PPP1R21: variants seen among roughly 807,000 people sequenced by gnomAD.
PPP1R21 encodes KLRAQ motif containing 1.
PPP1R21 carries 85 observed loss-of-function variants against 112.8 expected under a neutral mutation model. The ratio of observed to expected loss-of-function variants is 0.75; its 90% CI spans 0.63 to 0.90. The LOEUF is 0.90. Ranked by LOEUF, PPP1R21 falls within the 40% of genes least tolerant of loss-of-function variation. PPP1R21 has a pLI of 0.00. For synonymous variants in PPP1R21, 381 were observed against 322.3 expected, an observed-to-expected ratio of 1.18 and a Z score of -1.95; for missense variants, 1,199 against 901.5, an observed-to-expected ratio of 1.33 and a Z score of -4.23.
chr2:48,515,243 T>TCTCTCTC lies in PPP1R21; in HGVS notation c.*503_*504insCTCCTCT, dbSNP rs1294474316. 1.3e-5 allele frequency: 2 copies of TCTCTCTC among 153,482 alleles called. No homozygotes were observed. Among genetic ancestry groups the TCTCTCTC allele is most frequent in the Non-Finnish European group, 2.9e-5 (2 of 69,114 alleles). The allele number at this position is 153,482 out of a possible 1,614,324, so 9.5% of individuals were successfully genotyped here. A position where few individuals can be genotyped will look rare whatever the true frequency, so the allele number is the denominator to read the frequency against. On this transcript the variant is annotated 3_prime_UTR_variant, in exon 22 of 22. Transcript: ENST00000294952. ...CTCTCTCTCTCTCTCTCTCTCTCTCTCTCTTCTTTCTCTCTGAGGGAGAGG... is the reference window on the plus strand; with the variant it reads ...CTCTCTCTCTCTCTCTCTCTCTCTCTCTCTCTCCTCTTCTTTCTCTCTGAGGGAGAGG...
intron 13 of PPP1R21, among the ~76,000 whole-genome samples, chr2:48,480,688 T>G: frequency 6.6e-6 from 1 of 151,748 alleles, no homozygotes; most frequent in African/African-American, 2.4e-5. Flanking sequence ...ACTGTTGGGG[T>G]AGGGAAAGCA....
intron 14 of PPP1R21, among the ~76,000 whole-genome samples, chr2:48,487,799 T>G (rs4561709): frequency 0.15 from 22,530 of 151,744 alleles, 2,067 homozygotes; most frequent in Admixed American, 0.25. Flanking sequence ...ATCATGGATA[T>G]TCCTGTTTCA....
At chr2:48,510,241 T>C in intron 20 of PPP1R21, 128 bp downstream of exon 20, 1 of 574,418 alleles carries the variant, frequency 1.7e-6, no homozygotes, top group Non-Finnish European at 3.0e-6. Flanking sequence ...ACTGTATTTC[T>C]GATTCATTTA....
At chr2:48,480,181 A>G (rs948118474) in intron 13 of PPP1R21, among the ~76,000 whole-genome samples, 165 bp downstream of exon 13, 3 of 152,132 alleles carry the variant, frequency 2.0e-5, no homozygotes, top group African/African-American at 7.2e-5. Flanking sequence ...TGCTTTTCCC[A>G]TCTGTTTTAT....
intron 12 of PPP1R21, among the ~76,000 whole-genome samples, chr2:48,475,693 C>G (rs946694603): frequency 6.6e-6 from 1 of 151,770 alleles, no homozygotes; most frequent in Non-Finnish European, 1.5e-5. Flanking sequence ...ACTAAAAATA[C>G]AAAATCAGCT....
chr2:48,455,748 C>T (rs1667692739), intron 3 of PPP1R21, among the ~76,000 whole-genome samples: 1 of 152,054 alleles, frequency 6.6e-6, no homozygotes, highest in African/African-American at 2.4e-5. Context: ...GGCGCGGTGG[C>T]TCACGCCTGT....
Position 48,498,455 on chromosome 2 carries a change from A to G in PPP1R21, c.1693-38A>G, listed in dbSNP as rs771223731. Reference sequence around the variant, plus strand: ...TTTTGGGCCACTAAGGTTTATCTGTATTAGTCTCTAAGATACAACACTCTG... The same window carrying G: ...TTTTGGGCCACTAAGGTTTATCTGTGTTAGTCTCTAAGATACAACACTCTG... On this transcript the variant is annotated intron_variant, in intron 16 of 21. Coordinates refer to ENST00000294952, the MANE Select transcript of PPP1R21 (RefSeq NM_001135629.3). 8.1e-6 allele frequency: 13 copies of G among 1,609,516 alleles called. No homozygotes were observed. The East Asian group carries it at 2.5e-4, about 30-fold the overall frequency.
At chr2:48,451,207 C>T (rs1055228625) in intron 2 of PPP1R21, 131 bp downstream of exon 2, 5 of 681,738 alleles carry the variant, frequency 7.3e-6, no homozygotes, top group Admixed American at 2.5e-5. Context: ...GACAGTAATA[C>T]AGTCTTTTGT....
At chr2:48,445,765 C>T (rs1667218562) in intron 1 of PPP1R21, among the ~76,000 whole-genome samples, 1 of 152,178 alleles carries the variant, frequency 6.6e-6, no homozygotes, top group South Asian at 2.1e-4. Flanking sequence ...TTTTTTCCTG[C>T]CTCAGTGACA....
intron 11 of PPP1R21, among the ~76,000 whole-genome samples, chr2:48,473,994 A>G (rs1288073178): frequency 2.0e-5 from 3 of 152,224 alleles, no homozygotes; most frequent in Non-Finnish European, 2.9e-5. Flanking sequence ...GTCAGTGTTA[A>G]TAATACCAGT....
At chr2:48,472,167 G>T (rs1165443092) in intron 11 of PPP1R21, among the ~76,000 whole-genome samples, 1 of 147,478 alleles carries the variant, frequency 6.8e-6, no homozygotes, top group African/African-American at 2.5e-5. Flanking sequence ...TCGAACCTGG[G>T]AGGCGGAGGT....
At chr2:48,511,526 T>C (rs1226049739) in intron 21 of PPP1R21, 58 bp downstream of exon 21, 1 of 1,580,624 alleles carries the variant, frequency 6.3e-7, no homozygotes, top group Non-Finnish European at 8.6e-7. Context: ...GTGAGGTATT[T>C]TATTGTTATG....
rs373198445 is a variant in PPP1R21 at position 48,441,019 on chromosome 2, C to T, written c.57+9C>T. The T allele has an allele frequency of 1.3e-6, 2 of 1,599,388 alleles. No individual in the cohort carries two copies. The highest frequency in any genetic ancestry group is 1.7e-6 in the Non-Finnish European group (2 of 1,167,880). On this transcript the variant is annotated intron_variant, in intron 1 of 21. Coordinates refer to ENST00000294952, the MANE Select transcript of PPP1R21 (RefSeq NM_001135629.3). ...CTCAGGAGTACTCGAAGGTACCCAT[C>T]GTGGTCTGGGAGTAGGGGGTCCCCC...
In PPP1R21 at chr2:48,464,919, A is replaced by T. The variant is rs1166354107; in HGVS notation, c.695-18A>T. On this transcript the variant is annotated intron_variant, in intron 7 of 21. Coordinates refer to ENST00000294952, the MANE Select transcript of PPP1R21 (RefSeq NM_001135629.3). ...ATGTGAAATGAGAGACTTAATGTAC[A>T]TTATTTTTCTTCTGTAGAATATAGT... 6.4e-7 allele frequency: 1 copy of T among 1,554,928 alleles called. No individual in the cohort carries two copies. Among genetic ancestry groups the T allele is most frequent in the Non-Finnish European group, 8.7e-7 (1 of 1,155,634 alleles).
chr2:48,451,218 G>T (rs1667455247), intron 2 of PPP1R21, 142 bp downstream of exon 2: 3 of 626,234 alleles, frequency 4.8e-6, no homozygotes, highest in South Asian at 2.0e-5. Context: ...AGTCTTTTGT[G>T]GTTAATTTTC....
rs748252043 is a variant in PPP1R21, at chr2:48,486,627, A to G, written c.1319-4A>G. ...AATGAATTTTCATGTAATTGCTTTTATAGATATTTCCAAACATTATAGTCA... is the reference window on the plus strand; with the variant it reads ...AATGAATTTTCATGTAATTGCTTTTGTAGATATTTCCAAACATTATAGTCA... On this transcript the variant is annotated splice_polypyrimidine_tract_variant and splice_region_variant and intron_variant, in intron 13 of 21. Transcript: ENST00000294952. The G allele has an allele frequency of 1.9e-6, 3 of 1,604,594 alleles. No individual in the cohort carries two copies. Among genetic ancestry groups the G allele is most frequent in the East Asian group, 4.5e-5 (2 of 44,752 alleles).
At position 48,471,891 on chromosome 2, in the gene PPP1R21, C is replaced by G. The variant is rs560681931; in HGVS notation, c.1088+524C>G. Among the ~76,000 whole-genome samples the G allele has an allele frequency of 3.3e-5, 5 of 152,236 alleles. No homozygotes were observed. The South Asian group carries it at 1.0e-3, about 32-fold the overall frequency. On this transcript the variant is annotated intron_variant, in intron 11 of 21. Transcript: ENST00000294952. ...AAGTTTTGATACTTTTGGTTTACAACTACCAAGACACCTATTTCATTTAAA... is the reference window on the plus strand; with the variant it reads ...AAGTTTTGATACTTTTGGTTTACAAGTACCAAGACACCTATTTCATTTAAA...
intron 19 of PPP1R21, among the ~76,000 whole-genome samples, chr2:48,509,705 A>C (rs144577499): frequency 0.016 from 2,507 of 152,118 alleles, 59 homozygotes; most frequent in African/African-American, 0.055. Flanking sequence ...ACTCCGTCTC[A>C]AAAAAAGAAA....
At chr2:48,487,324 C>G (rs1458116742) in intron 14 of PPP1R21, among the ~76,000 whole-genome samples, 2 of 152,072 alleles carry the variant, frequency 1.3e-5, no homozygotes, top group African/African-American at 4.8e-5. Flanking sequence ...ATAATACTAC[C>G]TCTGTGGTTT....
Sources: gnomAD v4.1 joint callset for allele counts (sites outside exome capture counted in the v4.1 genomes callset) on GRCh38, gnomAD v4.1.1 for gene constraint, MANE v1.5 for transcripts, NCBI Gene and HGNC (gene_info 2026-07-23, HGNC 2026-07-21) for gene names.